Variants in SEH1L observed in about 807,000 individuals in gnomAD.
SEH1L encodes nucleoporin SEH1.
In SEH1L, 18 loss-of-function variants were observed where a neutral mutation model predicts 49.5. The observed-to-expected ratio is 0.36, with a 90% CI of 0.25 to 0.54. The LOEUF (loss-of-function observed/expected upper bound fraction) is 0.54, where lower values mean the gene tolerates loss of function less well. Ranked by LOEUF, SEH1L falls within the 20% of genes least tolerant of loss-of-function variation. The pLI is 0.87. For missense variants in SEH1L, 404 were observed against 528.8 expected, an observed-to-expected ratio of 0.76 and a Z score of 2.31; for synonymous variants, 169 against 178.1, an observed-to-expected ratio of 0.95 and a Z score of 0.41.
intron 1 of SEH1L, among the ~76,000 whole-genome samples, chr18:12,950,082 G>A (rs370630400): frequency 6.6e-6 from 1 of 150,714 alleles, no homozygotes; most frequent in African/African-American, 2.4e-5. Context: ...CACCCAGGCT[G>A]GAGTGCAGTG....
intron 8 of SEH1L, chr18:12,986,089 T>TA: frequency 1.0e-6 from 1 of 984,954 alleles, no homozygotes; most frequent in Non-Finnish European, 1.2e-6. Context: ...ATTAAAATTT[T>TA]ACTAAAATTG....
chr18:12,956,857 TAATAA>T (rs2030892545), intron 3 of SEH1L, among the ~76,000 whole-genome samples: 2 of 151,930 alleles, frequency 1.3e-5, no homozygotes, highest in African/African-American at 4.8e-5. Context: ...AATACCCACC[TAATAA>T]AATAAATAAC....
chr18:12,979,785 C>T (rs1197522828), intron 6 of SEH1L, among the ~76,000 whole-genome samples: 9 of 125,714 alleles, frequency 7.2e-5, no homozygotes, highest in South Asian at 2.7e-4. Flanking sequence ...GGCGGCTGTC[C>T]GGGCAGAGGG....
rs777379692 is a variant in SEH1L, at chr18:12,955,522, G to A, written c.222G>A (p.Leu74=). The change falls in exon 3 of 9, where the codon TTG becomes TTA. Residue 74 remains leucine (L), a synonymous_variant. Transcript: ENST00000399892. Reference sequence around the variant, plus strand: ...CCCATCCTGAATTTGGGCAGGTTTTGGCTTCCTGTTCTTTTGACCGAACAG... The same window carrying A: ...CCCATCCTGAATTTGGGCAGGTTTTAGCTTCCTGTTCTTTTGACCGAACAG... ...TWAHPEFGQV[L]ASCSFDRTAA... is the part of the protein sequence containing the mutation. 1.9e-6 allele frequency: 3 copies of A among 1,613,456 alleles called. No homozygotes were observed. The South Asian group carries it at 3.3e-5, about 18-fold the overall frequency.
At chr18:12,980,687 C>G (rs541333429) in intron 6 of SEH1L, among the ~76,000 whole-genome samples, 1 of 115,760 alleles carries the variant, frequency 8.6e-6, no homozygotes, top group Non-Finnish European at 1.8e-5. Flanking sequence ...GCTGGCAGGG[C>G]GGGGGGCTGA....
chr18:12,976,053 A>G (rs767964977), intron 5 of SEH1L: 11 of 167,140 alleles, frequency 6.6e-5, no homozygotes, highest in South Asian at 2.0e-4. Flanking sequence ...AGCTGAGATT[A>G]GTTGTCTATT....
chr18:12,980,278 T>C (rs1468547410), intron 6 of SEH1L, among the ~76,000 whole-genome samples: 1 of 131,502 alleles, frequency 7.6e-6, no homozygotes, highest in Non-Finnish European at 1.6e-5. Context: ...TCGGGGCGGC[T>C]GGCCGGGCAG....
intron 8 of SEH1L, chr18:12,985,342 G>A (rs372472266): frequency 2.1e-4 from 333 of 1,550,606 alleles, no homozygotes; most frequent in Non-Finnish European, 2.4e-4. Flanking sequence ...CTTCCCCAGC[G>A]CCGTTTGACC....
chr18:12,957,196 A>G lies in SEH1L; in HGVS notation c.309+1587A>G, dbSNP rs549725316. Among the ~76,000 whole-genome samples, 3 of 152,312 alleles carry G rather than the reference A, an allele frequency of 2.0e-5. No homozygotes were observed. The South Asian group carries it at 6.2e-4, about 32-fold the overall frequency. On this transcript the variant is annotated intron_variant, in intron 3 of 8. Coordinates refer to ENST00000399892, the MANE Select transcript of SEH1L (RefSeq NM_001013437.2). The stretch of plus-strand genomic sequence containing the variant: ...TAATCCCAGCACTTTAGGAGGCCAA[A>G]ATGGACAGATCACCTGAGGTCAGGA...
Position 12,987,104 on chromosome 18 carries a change from C to A in SEH1L, c.*47C>A. The A allele has an allele frequency of 7.6e-7, 1 of 1,315,624 alleles. No homozygotes were observed. The highest frequency in any genetic ancestry group is 1.0e-6 in the Non-Finnish European group (1 of 958,466). 81.5% of individuals were successfully genotyped at this position (1,315,624 alleles called of 1,614,324 possible). On this transcript the variant is annotated 3_prime_UTR_variant, in exon 9 of 9. Coordinates refer to ENST00000399892, the MANE Select transcript of SEH1L (RefSeq NM_001013437.2). Reference sequence around the variant, plus strand: ...GGCCTTATTCAAGTGCTTGTAAATGCTTTCATTTCTGGCTGCTTTTTGTTT... The same window carrying A: ...GGCCTTATTCAAGTGCTTGTAAATGATTTCATTTCTGGCTGCTTTTTGTTT...
At chr18:12,949,097 G>C (rs1252500930) in intron 1 of SEH1L, among the ~76,000 whole-genome samples, 1 of 151,568 alleles carries the variant, frequency 6.6e-6, no homozygotes, top group African/African-American at 2.4e-5. Flanking sequence ...CTGACCTCGT[G>C]ATCCACCCGC....
intron 4 of SEH1L, among the ~76,000 whole-genome samples, chr18:12,967,365 C>A (rs2031496060): frequency 6.6e-6 from 1 of 152,220 alleles, no homozygotes; most frequent in African/African-American, 2.4e-5. Context: ...CACCTATTTT[C>A]TCCATAAGGC....
intron 2 of SEH1L, among the ~76,000 whole-genome samples, chr18:12,954,138 A>G (rs2030714044): frequency 6.6e-6 from 1 of 152,258 alleles, no homozygotes; most frequent in Non-Finnish European, 1.5e-5. Flanking sequence ...TGTAGAAGTT[A>G]TTGGTTAAAC....
At chr18:12,957,369 G>A (rs1441409687) in intron 3 of SEH1L, among the ~76,000 whole-genome samples, 24 of 151,470 alleles carry the variant, frequency 1.6e-4, no homozygotes, top group African/African-American at 5.8e-4. Context: ...CGGAGGTTGT[G>A]ATGAGCAGAG....
At chr18:12,960,613 C>A (rs1208349547) in intron 3 of SEH1L, among the ~76,000 whole-genome samples, 9 of 152,098 alleles carry the variant, frequency 5.9e-5, no homozygotes, top group Non-Finnish European at 1.3e-4. Context: ...TTCCCTAAGC[C>A]AAACAGCTGC....
At chr18:12,980,643 G>A (rs1164838468) in intron 6 of SEH1L, among the ~76,000 whole-genome samples, 2 of 137,600 alleles carry the variant, frequency 1.5e-5, no homozygotes, top group African/African-American at 2.8e-5. Flanking sequence ...AGGGGCGGCC[G>A]GGCAGAGGCG....
intron 1 of SEH1L, among the ~76,000 whole-genome samples, chr18:12,949,039 T>A (rs2030321198): frequency 6.6e-6 from 1 of 151,694 alleles, no homozygotes. Context: ...TTTGTATTTT[T>A]TAGTAGAGAC....
chr18:12,954,922 T>C (rs1246957470), intron 2 of SEH1L, among the ~76,000 whole-genome samples: 1 of 152,246 alleles, frequency 6.6e-6, no homozygotes, highest in African/African-American at 2.4e-5. Flanking sequence ...TTACCACCTC[T>C]AAAGGAAACC....
At chr18:12,977,398 A>G (rs2031970638) in intron 5 of SEH1L, 1 of 152,206 alleles carries the variant, frequency 6.6e-6, no homozygotes, top group South Asian at 2.1e-4. Flanking sequence ...CAAGGATGAA[A>G]TAGCCTTTGC....
Sources: allele counts gnomAD v4.1 joint callset (sites outside exome capture counted in the v4.1 genomes callset), GRCh38; gene constraint gnomAD v4.1.1; transcripts MANE v1.5; gene names NCBI Gene and HGNC (gene_info 2026-07-23, HGNC 2026-07-21).